The following NXPE2 variants were observed in gnomAD, a reference collection of about 807,000 sequenced individuals.
NXPE2 encodes NXPE family member 2.
Under a neutral mutation model 34.4 loss-of-function variants are expected in NXPE2, and 34 were observed. The observed-to-expected ratio is 0.99, with a 90% CI of 0.75 to 1.31. NXPE2 has a LOEUF of 1.31. Ranked by LOEUF, NXPE2 falls within the 40% of genes most tolerant of loss-of-function variation. The pLI is 0.00. For missense variants in NXPE2, 649 were observed against 672.5 expected (o/e 0.97, Z 0.39); for synonymous variants, 235 against 231.3 (o/e 1.02, Z -0.15).
chr11:114,756,548 C>A, the NXPE2 span, among the ~76,000 whole-genome samples: 3 of 151,946 alleles, frequency 2.0e-5, no homozygotes, highest in Admixed American at 2.0e-4. Context: ...CCCTCAATGG[C>A]CAATAATTTT....
chr11:114,485,304 G>A, the NXPE2 span, among the ~76,000 whole-genome samples: 1 of 151,796 alleles, frequency 6.6e-6, no homozygotes, highest in African/African-American at 2.4e-5. Flanking sequence ...CACCTCCCAG[G>A]TGGAAGCAAT....
the NXPE2 span, among the ~76,000 whole-genome samples, chr11:114,532,352 T>C: frequency 8.4e-4 from 128 of 151,972 alleles, 1 homozygote; most frequent in African/African-American, 2.8e-3. Flanking sequence ...AAAGAACCTT[T>C]TGGTTCTCTG....
At chr11:114,792,112 G>C in the NXPE2 span, among the ~76,000 whole-genome samples, 29 of 152,302 alleles carry the variant, frequency 1.9e-4, no homozygotes, top group African/African-American at 6.5e-4. Context: ...TCCATATGCA[G>C]GTACAGGATT....
At chr11:114,752,770 A>C in the NXPE2 span, among the ~76,000 whole-genome samples, 5 of 152,306 alleles carry the variant, frequency 3.3e-5, no homozygotes, top group African/African-American at 4.8e-5. Context: ...TATTAAATTT[A>C]AGATGCCTTT....
At chr11:114,538,661 C>G in the NXPE2 span, among the ~76,000 whole-genome samples, 201 of 152,306 alleles carry the variant, frequency 1.3e-3, 2 homozygotes, top group African/African-American at 4.7e-3. Context: ...TTTATTTATG[C>G]AGCCAAAAAA....
At chr11:114,697,557 G>A (rs11215157) in intron 2 of NXPE2, among the ~76,000 whole-genome samples, 14,904 of 152,190 alleles carry the variant, frequency 0.098, 868 homozygotes, top group Middle Eastern at 0.2. Context: ...CAGCAAAAAT[G>A]TAGAAGAAGT....
At chr11:114,749,074 G>A in the NXPE2 span, among the ~76,000 whole-genome samples, 1 of 151,996 alleles carries the variant, frequency 6.6e-6, no homozygotes, top group Non-Finnish European at 1.5e-5. Context: ...TTGTAATTTT[G>A]TTGCCTCAGC....
the NXPE2 span, among the ~76,000 whole-genome samples, chr11:114,493,496 A>T: frequency 6.6e-6 from 1 of 151,762 alleles, no homozygotes; most frequent in Non-Finnish European, 1.5e-5. Flanking sequence ...ATGTTTTTTG[A>T]TTTGTTACTG....
chr11:114,589,036 G>C, the NXPE2 span, among the ~76,000 whole-genome samples: 1 of 152,268 alleles, frequency 6.6e-6, no homozygotes, highest in East Asian at 1.9e-4. Flanking sequence ...GGCTCTGGTA[G>C]CTGCTTTGCA....
chr11:114,681,555 C>T (rs17117261), intron 2 of NXPE2, among the ~76,000 whole-genome samples: 1 of 152,034 alleles, frequency 6.6e-6, no homozygotes, highest in Non-Finnish European at 1.5e-5. Context: ...GTAACTTCCA[C>T]GTAGTTCTTA....
At chr11:114,542,648 C>G in the NXPE2 span, among the ~76,000 whole-genome samples, 2 of 151,946 alleles carry the variant, frequency 1.3e-5, no homozygotes, top group Non-Finnish European at 2.9e-5. Context: ...GACATTACTT[C>G]AAATCAGATG....
the NXPE2 span, among the ~76,000 whole-genome samples, chr11:114,635,782 T>A: frequency 1.3e-5 from 2 of 152,118 alleles, no homozygotes; most frequent in Admixed American, 1.3e-4. Context: ...GATTTGCATA[T>A]ATTGAACCAG....
the NXPE2 span, among the ~76,000 whole-genome samples, chr11:114,547,727 T>C: frequency 6.6e-6 from 1 of 152,100 alleles, no homozygotes; most frequent in Non-Finnish European, 1.5e-5. Context: ...AGAGCAAGAC[T>C]CTGTCTCAAA....
At chr11:114,603,260 T>TGTA in the NXPE2 span, among the ~76,000 whole-genome samples, 1 of 149,500 alleles carries the variant, frequency 6.7e-6, no homozygotes, top group Non-Finnish European at 1.5e-5. Flanking sequence ...AGGTAACTCC[T>TGTA]ATTTCCTGGT....
At chr11:114,703,549 A>G (rs906445320) in intron 3 of NXPE2, among the ~76,000 whole-genome samples, 4 of 152,192 alleles carry the variant, frequency 2.6e-5, no homozygotes, top group Non-Finnish European at 4.4e-5. Context: ...TTTGAGAAAC[A>G]CTAGCCTTGG....
chr11:114,705,746 T>C, intron 4 of NXPE2, 35 bp from the exon 5 acceptor site: 1 of 1,306,366 alleles, frequency 7.7e-7, no homozygotes, highest in East Asian at 2.9e-5. Context: ...TTTGTGGTAA[T>C]AAAAATTACT....
chr11:114,724,299 T>A, the NXPE2 span, among the ~76,000 whole-genome samples: 8 of 152,134 alleles, frequency 5.3e-5, no homozygotes, highest in East Asian at 1.4e-3. Flanking sequence ...GAGGTTCTCA[T>A]CCCTCACCCC....
chr11:114,643,112 T>C, the NXPE2 span, among the ~76,000 whole-genome samples: 80 of 152,174 alleles, frequency 5.3e-4, no homozygotes, highest in Middle Eastern at 3.4e-3. Flanking sequence ...GGGTTGTTTG[T>C]TTTTTTCTTG....
At chr11:114,788,338 T>C in the NXPE2 span, among the ~76,000 whole-genome samples, 5 of 152,274 alleles carry the variant, frequency 3.3e-5, no homozygotes, top group East Asian at 9.7e-4. Flanking sequence ...AGCAGGGCCA[T>C]GGTCAGAGGA....
Sources: allele counts gnomAD v4.1 joint callset (sites outside exome capture counted in the v4.1 genomes callset), GRCh38; gene constraint gnomAD v4.1.1; transcripts MANE v1.5; gene names NCBI Gene and HGNC (gene_info 2026-07-23, HGNC 2026-07-21).